Variants in DNM3 observed in about 807,000 individuals in gnomAD.
DNM3 encodes the protein dynamin 3, also known as dynamin-3.
Under a neutral mutation model 101.6 loss-of-function variants are expected in DNM3, and 47 were observed. That is an observed-to-expected ratio of 0.46 (90% CI 0.37 to 0.59). DNM3 has a LOEUF of 0.59. DNM3 is among the 20% of genes least tolerant of loss of function. The pLI is 0.00. For synonymous variants in DNM3, 385 were observed against 387.9 expected, an observed-to-expected ratio of 0.99 and a Z score of 0.09; for missense variants, 849 against 1,085.7, an observed-to-expected ratio of 0.78 and a Z score of 3.06.
intron 2 of DNM3, among the ~76,000 whole-genome samples, chr1:171,923,961 C>T (rs1042653836): frequency 1.3e-5 from 2 of 152,066 alleles, no homozygotes; most frequent in South Asian, 2.1e-4. Context: ...TGTTATTTCT[C>T]TTAGAATAAT....
chr1:172,030,675 A>G (rs887212647), intron 4 of DNM3, among the ~76,000 whole-genome samples: 9 of 152,226 alleles, frequency 5.9e-5, no homozygotes, highest in African/African-American at 2.2e-4. Flanking sequence ...AATATCCAGA[A>G]TCTACAAAGA....
intron 17 of DNM3, among the ~76,000 whole-genome samples, chr1:172,331,631 A>C (rs1375057682): frequency 1.3e-5 from 2 of 152,208 alleles, no homozygotes; most frequent in African/African-American, 2.4e-5. Context: ...AGAGGTATAA[A>C]GTGTCTGGTT....
intron 16 of DNM3, among the ~76,000 whole-genome samples, chr1:172,319,736 A>G (rs1393750626): frequency 2.6e-5 from 4 of 152,190 alleles, no homozygotes; most frequent in East Asian, 1.9e-4. Context: ...GAAACAACAG[A>G]TGCTGGAGAG....
intron 4 of DNM3, among the ~76,000 whole-genome samples, chr1:172,031,465 C>T (rs1200051437): frequency 6.6e-6 from 1 of 151,994 alleles, no homozygotes; most frequent in Non-Finnish European, 1.5e-5. Context: ...AGGCTTAAAA[C>T]CTAGATGATG....
intron 2 of DNM3, among the ~76,000 whole-genome samples, chr1:171,985,816 C>T (rs138375343): frequency 6.6e-6 from 1 of 152,056 alleles, no homozygotes; most frequent in African/African-American, 2.4e-5. Flanking sequence ...GGGGTTGGTA[C>T]TGGGAAATCT....
In DNM3 at chr1:172,370,834, A is replaced by G. The variant is rs959940862; in HGVS notation, c.1894-8184A>G. On this transcript the variant is annotated intron_variant, in intron 17 of 20. Transcript: ENST00000627582. ...ATTTGTGAGGATCTACTGAGATGGT[A>G]TATGTGAAGGCATTTGAAAACTGAT... Among the ~76,000 whole-genome samples, 9 of 152,112 alleles carry G rather than the reference A, an allele frequency of 5.9e-5. No homozygotes were observed. In the South Asian group the frequency reaches 1.0e-3, roughly 17 times the overall value.
chr1:172,342,367 T>G (rs999172745), intron 17 of DNM3, among the ~76,000 whole-genome samples: 13 of 152,172 alleles, frequency 8.5e-5, no homozygotes, highest in Non-Finnish European at 8.8e-5. Context: ...TAAATGCTCA[T>G]CAGTGGTAGA....
chr1:172,396,149 T>C (rs1289264609), intron 20 of DNM3, among the ~76,000 whole-genome samples: 3 of 152,160 alleles, frequency 2.0e-5, no homozygotes, highest in Non-Finnish European at 4.4e-5. Context: ...TTTTAACTAT[T>C]CCCATAAGCA....
intron 10 of DNM3, among the ~76,000 whole-genome samples, chr1:172,061,615 G>A (rs2051215202): frequency 6.7e-6 from 1 of 149,822 alleles, no homozygotes; most frequent in Non-Finnish European, 1.5e-5. Context: ...ACCAAACACT[G>A]CATATTCTCA....
intron 15 of DNM3, among the ~76,000 whole-genome samples, chr1:172,266,708 T>G (rs2062873327): frequency 6.6e-6 from 1 of 152,162 alleles, no homozygotes; most frequent in Non-Finnish European, 1.5e-5. Flanking sequence ...AAATGTATGT[T>G]ATCCTATCCA....
chr1:172,069,643 G>A (rs951581218), intron 11 of DNM3, among the ~76,000 whole-genome samples: 5 of 152,176 alleles, frequency 3.3e-5, no homozygotes, highest in African/African-American at 1.2e-4. Flanking sequence ...AAATACAAAT[G>A]GTTTTACATA....
At chr1:171,860,889 C>T (rs1241508034) in intron 1 of DNM3, among the ~76,000 whole-genome samples, 2 of 151,860 alleles carry the variant, frequency 1.3e-5, no homozygotes, top group East Asian at 3.9e-4. Context: ...AGTGGGAAGA[C>T]TGAGAAAAAA....
chr1:172,038,947 T>TC (rs34023620), intron 7 of DNM3, among the ~76,000 whole-genome samples: 2 of 151,754 alleles, frequency 1.3e-5, no homozygotes, highest in African/African-American at 4.8e-5. Flanking sequence ...TTTTTTTTTT[T>TC]CCTTTTACAT....
intron 14 of DNM3, among the ~76,000 whole-genome samples, chr1:172,240,334 T>C (rs1324397994): frequency 6.6e-6 from 1 of 152,098 alleles, no homozygotes; most frequent in Non-Finnish European, 1.5e-5. Context: ...TTGCCTCTTT[T>C]TGAGAGAGAG....
chr1:172,151,194 T>C (rs1026195370), intron 14 of DNM3, among the ~76,000 whole-genome samples: 1 of 152,336 alleles, frequency 6.6e-6, no homozygotes, highest in South Asian at 2.1e-4. Flanking sequence ...ATTTTAAGCC[T>C]AGCGCATGTG....
At chr1:172,213,517 C>CA (rs57339395) in intron 14 of DNM3, among the ~76,000 whole-genome samples, 3,835 of 79,260 alleles carry the variant, frequency 0.048, 305 homozygotes, top group African/African-American at 0.12. Flanking sequence ...TCCATTGTTA[C>CA]AAAAAAAAAA....
intron 10 of DNM3, among the ~76,000 whole-genome samples, chr1:172,058,813 A>G (rs1325889066): frequency 2.0e-5 from 3 of 151,964 alleles, no homozygotes; most frequent in African/African-American, 7.3e-5. Context: ...AACACATTCA[A>G]AAGCTAGCAG....
At chr1:171,867,000 G>C (rs1034387364) in intron 1 of DNM3, among the ~76,000 whole-genome samples, 8 of 152,190 alleles carry the variant, frequency 5.3e-5, no homozygotes, top group Non-Finnish European at 1.0e-4. Context: ...AAAAGTTTAG[G>C]TGCACCTAAG....
intron 14 of DNM3, among the ~76,000 whole-genome samples, chr1:172,248,703 A>G (rs1485145973): frequency 6.6e-6 from 1 of 152,184 alleles, no homozygotes; most frequent in Non-Finnish European, 1.5e-5. Context: ...AGACTTTGTA[A>G]AGATTTAGTA....
Sources: gnomAD v4.1 joint callset for allele counts (sites outside exome capture counted in the v4.1 genomes callset) on GRCh38, gnomAD v4.1.1 for gene constraint, MANE v1.5 for transcripts, NCBI Gene and HGNC (gene_info 2026-07-23, HGNC 2026-07-21) for gene names.